The following FBXL2 variants were observed in gnomAD, a reference collection of about 807,000 sequenced individuals.
The protein encoded by FBXL2 is F-box and leucine rich repeat protein 2.
FBXL2 carries 38 observed loss-of-function variants against 69.2 expected under a neutral mutation model. The observed-to-expected ratio is 0.55, with a 90% confidence interval of 0.42 to 0.72. FBXL2 has a LOEUF of 0.72. Ranked by LOEUF, FBXL2 falls within the 30% of genes least tolerant of loss-of-function variation. FBXL2 has a pLI of 0.00. For synonymous variants in FBXL2, 192 were observed against 201.3 expected (o/e 0.95, Z 0.39); for missense variants, 354 against 520.3 (o/e 0.68, Z 3.11).
At chr3:33,379,388 T>C (rs897351478) in intron 13 of FBXL2, among the ~76,000 whole-genome samples, 1 of 152,130 alleles carries the variant, frequency 6.6e-6, no homozygotes, top group Non-Finnish European at 1.5e-5. Context: ...AGAGTCTTGC[T>C]CTGTCACCCA....
intron 2 of FBXL2, among the ~76,000 whole-genome samples, chr3:33,344,453 A>T (rs1186266104): frequency 1.3e-5 from 2 of 152,166 alleles, no homozygotes; most frequent in Admixed American, 1.3e-4. Flanking sequence ...ATGATGCTAT[A>T]TTGGAACAAT....
chr3:33,297,136 A>C (rs1367304999), intron 1 of FBXL2, among the ~76,000 whole-genome samples: 1 of 152,048 alleles, frequency 6.6e-6, no homozygotes, highest in Admixed American at 6.5e-5. Flanking sequence ...ATCTCAGAGT[A>C]TTTTGTTCAT....
intron 12 of FBXL2, chr3:33,398,061 T>G (rs969650577): frequency 1.2e-4 from 18 of 152,298 alleles, no homozygotes; most frequent in African/African-American, 4.3e-4. Flanking sequence ...TTTTTGAAGG[T>G]AGGAGATGGC....
intron 1 of FBXL2, 22 bp downstream of exon 1, chr3:33,277,537 G>A: frequency 1.6e-6 from 2 of 1,287,772 alleles, no homozygotes; most frequent in Non-Finnish European, 9.9e-7. Flanking sequence ...ACCCGCGTCT[G>A]CCTAGCTGCC....
At chr3:33,345,128 A>G (rs1450125057) in intron 2 of FBXL2, among the ~76,000 whole-genome samples, 1 of 152,222 alleles carries the variant, frequency 6.6e-6, no homozygotes. Flanking sequence ...GGATGACTTA[A>G]AACAACAGTT....
intron 2 of FBXL2, among the ~76,000 whole-genome samples, chr3:33,331,548 A>T (rs2039166528): frequency 6.6e-6 from 1 of 152,162 alleles, no homozygotes; most frequent in Non-Finnish European, 1.5e-5. Flanking sequence ...GTCTTGAGAA[A>T]TCTAGTGGTA....
intron 2 of FBXL2, among the ~76,000 whole-genome samples, chr3:33,338,963 AG>A (rs1355364742): frequency 1.3e-5 from 2 of 152,208 alleles, no homozygotes; most frequent in African/African-American, 4.8e-5. Context: ...GCACAGCAAA[AG>A]AAACTATCAA....
At chr3:33,395,752 A>G (rs1402538349) in intron 12 of FBXL2, among the ~76,000 whole-genome samples, 1 of 105,468 alleles carries the variant, frequency 9.5e-6, no homozygotes, top group Non-Finnish European at 1.9e-5. Flanking sequence ...GGAAAATTGA[A>G]AAAAAAAAAA....
intron 2 of FBXL2, among the ~76,000 whole-genome samples, chr3:33,336,375 GA>G (rs896349897): frequency 2.0e-5 from 3 of 151,494 alleles, no homozygotes; most frequent in African/African-American, 7.3e-5. Context: ...TGGGTCAATT[GA>G]AAAAAAACAT....
chr3:33,390,383 A>G (rs370903407), downstream of FBXL2: 18 of 1,613,712 alleles, frequency 1.1e-5, no homozygotes, highest in African/African-American at 2.0e-4. Flanking sequence ...AGAAAAAGGA[A>G]AGACAGTATT....
chr3:33,390,438 C>A (rs1559661362), downstream of FBXL2: 1 of 1,533,568 alleles, frequency 6.5e-7, no homozygotes. Context: ...ATGGAAAACT[C>A]CCTGCCAACT....
At chr3:33,334,047 T>G (rs545596651) in intron 2 of FBXL2, among the ~76,000 whole-genome samples, 3 of 152,302 alleles carry the variant, frequency 2.0e-5, no homozygotes, top group African/African-American at 7.2e-5. Context: ...GAGCAGACAC[T>G]AACCTTAACT....
intron 2 of FBXL2, among the ~76,000 whole-genome samples, chr3:33,354,632 GAAA>G (rs779792310): frequency 6.6e-6 from 1 of 150,584 alleles, no homozygotes; most frequent in Non-Finnish European, 1.5e-5. Flanking sequence ...TGAAAGGCAG[GAAA>G]AAAAAACCTA....
chr3:33,419,851 C>T, the FBXL2 span, among the ~76,000 whole-genome samples: 1 of 152,128 alleles, frequency 6.6e-6, no homozygotes, highest in Admixed American at 6.5e-5. Flanking sequence ...AAGAAGGATC[C>T]AGTATTAATG....
intron 2 of FBXL2, among the ~76,000 whole-genome samples, chr3:33,336,560 C>T (rs1251976992): frequency 6.6e-6 from 1 of 152,204 alleles, no homozygotes; most frequent in African/African-American, 2.4e-5. Context: ...ACTGTATCTT[C>T]ATAACCATTT....
the FBXL2 span, chr3:33,414,292 G>A: frequency 6.6e-6 from 1 of 151,854 alleles, no homozygotes; most frequent in African/African-American, 2.4e-5. Context: ...GAGGGAGGAG[G>A]GCGGGAGAGA....
intron 9 of FBXL2, among the ~76,000 whole-genome samples, chr3:33,374,833 GAAATAT>G (rs1377274864): frequency 9.2e-5 from 14 of 152,088 alleles, no homozygotes; most frequent in Admixed American, 7.2e-4. Flanking sequence ...AACATTTGAT[GAAATAT>G]AAATATATGT....
chr3:33,356,435 T>C (rs927127508), intron 2 of FBXL2, among the ~76,000 whole-genome samples: 7 of 152,082 alleles, frequency 4.6e-5, no homozygotes, highest in African/African-American at 1.7e-4. Context: ...CTGCAACCTC[T>C]GCCTCCTGGG....
At chr3:33,295,830 T>C (rs937183808) in intron 1 of FBXL2, among the ~76,000 whole-genome samples, 1 of 152,242 alleles carries the variant, frequency 6.6e-6, no homozygotes, top group Admixed American at 6.5e-5. Context: ...TACCCTTACG[T>C]TGAACATCTT....
Sources: gnomAD v4.1 joint callset for allele counts (sites outside exome capture counted in the v4.1 genomes callset) on GRCh38, gnomAD v4.1.1 for gene constraint, MANE v1.5 for transcripts, NCBI Gene and HGNC (gene_info 2026-07-23, HGNC 2026-07-21) for gene names.